The following MYT1L variants were observed in gnomAD, a reference collection of about 807,000 sequenced individuals.
The protein encoded by MYT1L is myelin transcription factor 1-like protein.
Under a neutral mutation model 126.7 loss-of-function variants are expected in MYT1L, and 12 were observed. The ratio of observed to expected loss-of-function variants is 0.09; its 90% confidence interval spans 0.06 to 0.15. The LOEUF is 0.15. Ranked by LOEUF, MYT1L falls within the 10% of genes least tolerant of loss-of-function variation. The pLI is 1.00. For missense variants in MYT1L, 979 were observed against 1,585.2 expected, an observed-to-expected ratio of 0.62 and a Z score of 6.49; for synonymous variants, 541 against 604.2, an observed-to-expected ratio of 0.90 and a Z score of 1.53.
chr2:2,032,738 CA>C (rs1235675606), intron 4 of MYT1L, among the ~76,000 whole-genome samples: 12 of 121,322 alleles, frequency 9.9e-5, no homozygotes, highest in Admixed American at 1.5e-4. Context: ...CTTATACACA[CA>C]CCCGTCGCCA....
chr2:1,863,273 C>T (rs1280994511), intron 18 of MYT1L, among the ~76,000 whole-genome samples: 1 of 152,168 alleles, frequency 6.6e-6, no homozygotes, highest in Middle Eastern at 3.2e-3. Flanking sequence ...GACTATAAGC[C>T]AAGGTGCTGC....
At chr2:2,315,697 A>G (rs968840569) in intron 1 of MYT1L, among the ~76,000 whole-genome samples, 1 of 152,226 alleles carries the variant, frequency 6.6e-6, no homozygotes, top group Admixed American at 6.5e-5. Flanking sequence ...TTGGCACTTA[A>G]CATTACTCAT....
chr2:2,246,436 TG>T (rs566443146), intron 2 of MYT1L, among the ~76,000 whole-genome samples: 198 of 152,236 alleles, frequency 1.3e-3, no homozygotes, highest in African/African-American at 4.3e-3. Context: ...TGTGCCGCAA[TG>T]GAACACCATG....
At chr2:2,169,579 C>T (rs1170261988) in intron 3 of MYT1L, among the ~76,000 whole-genome samples, 1 of 152,152 alleles carries the variant, frequency 6.6e-6, no homozygotes, top group Admixed American at 6.5e-5. Flanking sequence ...CCCCTGCAAC[C>T]GGAAATCGTT....
intron 9 of MYT1L, among the ~76,000 whole-genome samples, chr2:1,940,195 C>T (rs2056480642): frequency 6.6e-6 from 1 of 151,436 alleles, no homozygotes. Flanking sequence ...CTCTCAACAT[C>T]TCCCTGTGGC....
At chr2:1,874,524 T>A (rs138348164) in intron 18 of MYT1L, among the ~76,000 whole-genome samples, 1 of 151,990 alleles carries the variant, frequency 6.6e-6, no homozygotes, top group Non-Finnish European at 1.5e-5. Context: ...CAGGGCATGA[T>A]GGGGGGCAGC....
At chr2:2,038,921 CCCT>C (rs2067200419) in intron 4 of MYT1L, among the ~76,000 whole-genome samples, 1 of 152,120 alleles carries the variant, frequency 6.6e-6, no homozygotes, top group South Asian at 2.1e-4. Context: ...AGGGTCTGGT[CCCT>C]CCTCCTCGGT....
intron 3 of MYT1L, among the ~76,000 whole-genome samples, chr2:2,122,012 G>A (rs958342743): frequency 1.3e-5 from 2 of 152,196 alleles, no homozygotes; most frequent in African/African-American, 4.8e-5. Flanking sequence ...GGAAGGTGAG[G>A]TCTTCCTACG....
intron 2 of MYT1L, among the ~76,000 whole-genome samples, chr2:2,184,659 A>C (rs545511001): frequency 6.6e-6 from 1 of 152,106 alleles, no homozygotes; most frequent in Non-Finnish European, 1.5e-5. Context: ...CTTCCCGCCT[A>C]AGCCTCCCCG....
intron 1 of MYT1L, among the ~76,000 whole-genome samples, chr2:2,322,852 A>T (rs1293538394): frequency 6.6e-6 from 1 of 152,212 alleles, no homozygotes; most frequent in Non-Finnish European, 1.5e-5. Context: ...TGACTTTATG[A>T]CTTTTCTCTA....
intron 14 of MYT1L, 159 bp downstream of exon 14, chr2:1,902,921 G>T (rs1204750141): frequency 1.5e-6 from 1 of 653,438 alleles, no homozygotes; most frequent in Non-Finnish European, 2.7e-6. Context: ...GTGGACCTGA[G>T]GGGCTTTCAG....
At chr2:1,835,417 G>A (rs547126841) in intron 21 of MYT1L, among the ~76,000 whole-genome samples, 3 of 152,280 alleles carry the variant, frequency 2.0e-5, no homozygotes, top group Non-Finnish European at 2.9e-5. Flanking sequence ...GATACTCAAA[G>A]CACCATTTCT....
intron 4 of MYT1L, among the ~76,000 whole-genome samples, chr2:2,030,254 C>G (rs555378589): frequency 6.6e-5 from 10 of 152,114 alleles, no homozygotes; most frequent in African/African-American, 2.4e-4. Flanking sequence ...TATGCTACCA[C>G]GCCTGGCTAA....
chr2:2,000,399 A>T (rs574010187), intron 4 of MYT1L, among the ~76,000 whole-genome samples: 1 of 152,330 alleles, frequency 6.6e-6, no homozygotes, highest in East Asian at 1.9e-4. Flanking sequence ...TTAGGCAAGC[A>T]AGGTCTCAGA....
chr2:1,896,888 C>T (rs1398537491), intron 14 of MYT1L, among the ~76,000 whole-genome samples: 1 of 152,222 alleles, frequency 6.6e-6, no homozygotes, highest in Non-Finnish European at 1.5e-5. Flanking sequence ...ATTTCTTCCT[C>T]TCATCTTACT....
At position 1,791,042 on chromosome 2, in the gene MYT1L, T is replaced by C. The variant is rs994216335; in HGVS notation, c.*825A>G. 5.8e-6 allele frequency: 2 copies of C among 344,248 alleles called. No homozygotes were observed. Among genetic ancestry groups the C allele is most frequent in the African/African-American group, 4.3e-5 (2 of 46,458 alleles). 21.3% of individuals were successfully genotyped at this position (344,248 alleles called of 1,614,324 possible). On this transcript the variant is annotated 3_prime_UTR_variant, in exon 25 of 25. Coordinates refer to ENST00000647738, the MANE Select transcript of MYT1L (RefSeq NM_001303052.2). This position sits in a 1 kb window ranked among gnomAD's most constrained non-coding sequence, Gnocchi z 6.0. ...AAATCTTCACGTTGTCCACCTCTGA[T>C]AAGATCCTGTCTTAACTGGAGTTTC...
chr2:1,795,788 G>A (rs1276843576), intron 23 of MYT1L: 1 of 152,252 alleles, frequency 6.6e-6, no homozygotes, highest in Non-Finnish European at 1.5e-5. Flanking sequence ...CAGGCTGCTA[G>A]GAAGCAGTGC....
chr2:2,195,885 A>C (rs1473739335), intron 2 of MYT1L, among the ~76,000 whole-genome samples: 1 of 152,104 alleles, frequency 6.6e-6, no homozygotes, highest in Non-Finnish European at 1.5e-5. Context: ...AAAATACATA[A>C]AAGAATATAA....
chr2:1,880,146 T>C (rs565138471), intron 18 of MYT1L, among the ~76,000 whole-genome samples: 2 of 152,190 alleles, frequency 1.3e-5, no homozygotes, highest in Non-Finnish European at 2.9e-5. Context: ...GCCTTTTAGA[T>C]GGCTTAAGGC....
Sources: gnomAD v4.1 joint callset for allele counts (sites outside exome capture counted in the v4.1 genomes callset) on GRCh38, gnomAD v4.1.1 for gene constraint, Gnocchi (gnomAD v3.1) non-coding constraint, MANE v1.5 for transcripts, NCBI Gene and HGNC (gene_info 2026-07-23, HGNC 2026-07-21) for gene names.